PANK3: variants seen among roughly 807,000 people sequenced by gnomAD.
PANK3 encodes pantothenate kinase 3, also known as hPanK3.
Under a neutral mutation model 39.4 loss-of-function variants are expected in PANK3, and 20 were observed. The ratio of observed to expected loss-of-function variants is 0.51; its 90% CI spans 0.36 to 0.74. The LOEUF (loss-of-function observed/expected upper bound fraction) is 0.74, where lower values mean the gene tolerates loss of function less well. Ranked by LOEUF, PANK3 falls within the 30% of genes least tolerant of loss-of-function variation. PANK3 has a pLI of 0.00. For synonymous variants in PANK3, 140 were observed against 157.3 expected (o/e 0.89, Z 0.82); for missense variants, 265 against 437.0 (o/e 0.61, Z 3.51).
In PANK3 at chr5:168,549,667, A is replaced by C. The variant is rs1007073358; in HGVS notation, c.*7904T>G. On this transcript the variant is annotated 3_prime_UTR_variant, in exon 7 of 7. Coordinates refer to ENST00000239231, the MANE Select transcript of PANK3 (RefSeq NM_024594.4). Reference sequence around the variant, plus strand: ...GCAGCAAAAACGCCGAAATTCTATAAGAAAAAAACTGATTTACCCCAAACA... The same window carrying C: ...GCAGCAAAAACGCCGAAATTCTATACGAAAAAAACTGATTTACCCCAAACA... 2 of 152,208 alleles carry C rather than the reference A, an allele frequency of 1.3e-5. No individual in the cohort carries two copies. The highest frequency in any genetic ancestry group is 4.8e-5 in the African/African-American group (2 of 41,442). The allele number at this position is 152,208 out of a possible 1,614,324, so 9.4% of individuals were successfully genotyped here.
intron 1 of PANK3, among the ~76,000 whole-genome samples, chr5:168,577,915 T>C (rs1759753539): frequency 1.3e-5 from 2 of 152,250 alleles, no homozygotes; most frequent in South Asian, 4.1e-4. Context: ...ATTAGTTTAA[T>C]TCAGCAAATG....
intron 2 of PANK3, among the ~76,000 whole-genome samples, chr5:168,568,266 G>A (rs1759567178): frequency 6.6e-6 from 1 of 152,104 alleles, no homozygotes; most frequent in Admixed American, 6.5e-5. Flanking sequence ...AGATGGCCCT[G>A]GAAGATTAAT....
rs560265147 is a variant in PANK3, at chr5:168,549,334, G to A, written c.*8237C>T. The A allele has an allele frequency of 1.3e-5, 2 of 152,244 alleles. No individual in the cohort carries two copies. Among genetic ancestry groups the A allele is most frequent in the African/African-American group, 2.4e-5 (1 of 41,540 alleles). 9.4% of individuals were successfully genotyped at this position (152,244 alleles called of 1,614,324 possible). On this transcript the variant is annotated 3_prime_UTR_variant, in exon 7 of 7. Transcript: ENST00000239231. Reference sequence around the variant, plus strand: ...TTAATACCTGTGACAACTATTGACTGAGCCAGGTACAACATCGATGAAATT... The same window carrying A: ...TTAATACCTGTGACAACTATTGACTAAGCCAGGTACAACATCGATGAAATT...
chr5:168,569,557 T>TC (rs1759593774), intron 1 of PANK3, among the ~76,000 whole-genome samples: 1 of 152,132 alleles, frequency 6.6e-6, no homozygotes, highest in East Asian at 1.9e-4. Flanking sequence ...CCAGGATCTT[T>TC]TAATTCCTGG....
intron 5 of PANK3, among the ~76,000 whole-genome samples, 153 bp downstream of exon 5, chr5:168,561,240 G>A (rs755154132): frequency 3.9e-5 from 6 of 152,084 alleles, no homozygotes; most frequent in Non-Finnish European, 8.8e-5. Context: ...AACTGGATAC[G>A]TAACATATAT....
intron 2 of PANK3, among the ~76,000 whole-genome samples, chr5:168,567,747 G>A (rs906865456): frequency 6.6e-6 from 1 of 152,094 alleles, no homozygotes; most frequent in Admixed American, 6.5e-5. Context: ...AGCCTCTTGA[G>A]TGGCTGGGAC....
chr5:168,552,821 T>C lies in PANK3; in HGVS notation c.*4750A>G. The stretch of plus-strand genomic sequence containing the variant: ...AACCACTCCTGCACTAATCTATAGA[T>C]TGGCTTCTCAACACCTGCATCCTTG... On this transcript the variant is annotated 3_prime_UTR_variant, in exon 7 of 7. Transcript: ENST00000239231. The C allele has an allele frequency of 5.4e-6, 1 of 186,124 alleles. No homozygotes were observed. The highest frequency in any genetic ancestry group is 1.1e-5 in the Non-Finnish European group (1 of 87,466). 11.5% of individuals were successfully genotyped at this position (186,124 alleles called of 1,614,324 possible).
In PANK3 at chr5:168,568,702, T is replaced by C; in HGVS notation, c.325A>G (p.Thr109Ala). ...GRDKNFSTLQ[T>A]VLCATGGGAY... ...CCACCTCCTGTAGCACATAGCACCG[T>C]CTGCAATGTTGAGAAGTTTTTATCT... The change falls in exon 2 of 7, where the codon ACG becomes GCG. Residue 109 changes from threonine (T) to alanine (A), a missense_variant. Thr to Ala is a moderately conservative substitution (Grantham distance 58). Transcript: ENST00000239231. 1 of 1,614,124 alleles carries C rather than the reference T, an allele frequency of 6.2e-7. No homozygotes were observed. The highest frequency in any genetic ancestry group is 8.5e-7 in the Non-Finnish European group (1 of 1,180,012).
intron 5 of PANK3, among the ~76,000 whole-genome samples, chr5:168,559,956 T>C (rs1413831222): frequency 6.6e-6 from 1 of 152,214 alleles, no homozygotes; most frequent in Non-Finnish European, 1.5e-5. Flanking sequence ...TTAGATTATC[T>C]CTATGATTAG....
chr5:168,579,321 G>A lies in PANK3; in HGVS notation c.-38C>T, dbSNP rs771409727. ...AGGGGCGATGGACGGCCTCCGATCC[G>A]GGGCACTGAGAGCAGAGGCGGCGAC... On this transcript the variant is annotated 5_prime_UTR_variant, in exon 1 of 7. Transcript: ENST00000239231. 2 of 1,452,228 alleles carry A rather than the reference G, an allele frequency of 1.4e-6. No homozygotes were observed. The highest frequency in any genetic ancestry group is 2.7e-5 in the East Asian group (1 of 36,480). The allele number at this position is 1,452,228 out of a possible 1,614,324, so 90.0% of individuals were successfully genotyped here.
chr5:168,559,111 G>C lies in PANK3; in HGVS notation c.983C>G (p.Thr328Ser). The change falls in exon 6 of 7, where the codon ACC becomes AGC. Residue 328 changes from threonine (T) to serine (S), a missense_variant. Physicochemically the swap from Thr to Ser is moderately conservative, Grantham distance 58. Coordinates refer to ENST00000239231, the MANE Select transcript of PANK3 (RefSeq NM_024594.4). Reference protein sequence around the residue: ...VFVGNFLRVNTLSMKLLAYAL... With the variant: ...VFVGNFLRVNSLSMKLLAYAL... ...ATATGCCAAAAGTTTCATTGAGAGG[G>C]TATTGACACGTAAAAAGTTTCCAAC... 6.3e-7 allele frequency: 1 copy of C among 1,593,466 alleles called. No individual in the cohort carries two copies. The highest frequency in any genetic ancestry group is 8.6e-7 in the Non-Finnish European group (1 of 1,166,040).
intron 4 of PANK3, among the ~76,000 whole-genome samples, 185 bp from the exon 5 acceptor site, chr5:168,561,701 G>A (rs1322482509): frequency 6.6e-6 from 1 of 151,920 alleles, no homozygotes; most frequent in African/African-American, 2.4e-5. Context: ...ACCTTTCAAA[G>A]AATTAAGGTT....
In PANK3 at chr5:168,559,165, A is replaced by G; in HGVS notation, c.937-8T>C. 6.7e-7 allele frequency: 1 copy of G among 1,485,686 alleles called. No individual in the cohort carries two copies. Among genetic ancestry groups the G allele is most frequent in the Non-Finnish European group, 9.1e-7 (1 of 1,094,818 alleles). The allele number at this position is 1,485,686 out of a possible 1,614,324, so 92.0% of individuals were successfully genotyped here. ...GACAACTCTGTTTATTTTCTAAAAG[A>G]AAAGAACAAAGAAAAAACTTGTAAA... On this transcript the variant is annotated splice_polypyrimidine_tract_variant and splice_region_variant and intron_variant, in intron 5 of 6. Transcript: ENST00000239231.
Position 168,554,902 on chromosome 5 carries a change from T to A in PANK3, c.*2669A>T, listed in dbSNP as rs996901163. On this transcript the variant is annotated 3_prime_UTR_variant, in exon 7 of 7. Coordinates refer to ENST00000239231, the MANE Select transcript of PANK3 (RefSeq NM_024594.4). The stretch of plus-strand genomic sequence containing the variant: ...AAGTTATTTCATCACTGTACTTTGG[T>A]TAATGTGAACTATGATTCATATATT... 7.9e-5 allele frequency: 12 copies of A among 152,206 alleles called. No homozygotes were observed. Among genetic ancestry groups the A allele is most frequent in the African/African-American group, 2.9e-4 (12 of 41,448 alleles). The allele number at this position is 152,206 out of a possible 1,614,324, so 9.4% of individuals were successfully genotyped here.
chr5:168,557,573 A>G lies in PANK3; in HGVS notation c.1111T>C (p.Ter371GlnextTer33). The G allele has an allele frequency of 6.2e-7, 1 of 1,613,480 alleles. No homozygotes were observed. The highest frequency in any genetic ancestry group is 8.5e-7 in the Non-Finnish European group (1 of 1,179,492). The change falls in exon 7 of 7, where the codon TAA becomes CAA. Residue 371 changes from the stop codon to glutamine, a stop_lost. Coordinates refer to ENST00000239231, the MANE Select transcript of PANK3 (RefSeq NM_024594.4). ...AGCAGAGAGAGAGACCTGATGCTTT[A>G]GCTGAAATTTGGCAGCCCAAGAAGT... The part of the protein sequence containing the change: ...GALLGLPNFS[*>Q]
intron 3 of PANK3, among the ~76,000 whole-genome samples, chr5:168,565,102 T>A (rs551576380): frequency 1.3e-5 from 2 of 152,324 alleles, no homozygotes; most frequent in East Asian, 3.9e-4. Context: ...TTCTTTGGCA[T>A]AGAGAATTAC....
intron 3 of PANK3, among the ~76,000 whole-genome samples, 154 bp downstream of exon 3, chr5:168,565,857 TAA>T (rs33910263): frequency 4.8e-5 from 5 of 104,276 alleles, no homozygotes; most frequent in Non-Finnish European, 9.4e-5. Flanking sequence ...CTCTTTCACT[TAA>T]AAAAAAAAAA....
rs1050769000 is a variant in PANK3, at chr5:168,557,272, T to C, written c.*299A>G. The stretch of plus-strand genomic sequence containing the variant: ...AGTTCCGATACTTTAAGATTTGTGT[T>C]TGAGCATACAGTACTGCAATGTTGG... On this transcript the variant is annotated 3_prime_UTR_variant, in exon 7 of 7. Coordinates refer to ENST00000239231, the MANE Select transcript of PANK3 (RefSeq NM_024594.4). 7.0e-6 allele frequency: 2 copies of C among 285,616 alleles called. No homozygotes were observed. Among genetic ancestry groups the C allele is most frequent in the African/African-American group, 4.3e-5 (2 of 46,022 alleles). The allele number at this position is 285,616 out of a possible 1,614,324, so 17.7% of individuals were successfully genotyped here. A position where few individuals can be genotyped will look rare whatever the true frequency, so the allele number is the denominator to read the frequency against.
At chr5:168,573,255 C>A (rs114302130) in intron 1 of PANK3, among the ~76,000 whole-genome samples, 2,442 of 151,600 alleles carry the variant, frequency 0.016, 65 homozygotes, top group African/African-American at 0.056. Flanking sequence ...GAGAACTCAG[C>A]CCTGCTATAA....
Sources: allele counts gnomAD v4.1 joint callset (sites outside exome capture counted in the v4.1 genomes callset), GRCh38; gene constraint gnomAD v4.1.1; transcripts MANE v1.5; gene names NCBI Gene and HGNC (gene_info 2026-07-23, HGNC 2026-07-21).